CHMP7: variants seen among roughly 807,000 people sequenced by gnomAD.
The protein encoded by CHMP7 is charged multivesicular body protein 7, also known as CHMP family, member 7.
In CHMP7, 15 loss-of-function variants were observed where a neutral mutation model predicts 53.7. That is an observed-to-expected ratio of 0.28 (90% confidence interval 0.19 to 0.43). The LOEUF is 0.43. Among genes scored for constraint, CHMP7 ranks in the 20% least tolerant of loss-of-function variants. The pLI is 1.00. For missense variants in CHMP7, 527 were observed against 569.4 expected (o/e 0.93, Z 0.76); for synonymous variants, 261 against 228.0 (o/e 1.14, Z -1.30).
Position 23,258,950 on chromosome 8 carries a change from T to G in CHMP7, c.1060-116T>G, listed in dbSNP as rs1281106049. On this transcript the variant is annotated intron_variant, in intron 8 of 10. Coordinates refer to ENST00000397677, the MANE Select transcript of CHMP7 (RefSeq NM_152272.5). ...GTGACCTTGTGAACTTGAGGAAGCT[T>G]TCCTTGATTCTCACTTGGGGCAGGA... 15 of 1,050,776 alleles carry G rather than the reference T, an allele frequency of 1.4e-5. No individual in the cohort carries two copies. The Middle Eastern group carries it at 8.1e-4, about 57-fold the overall frequency. 65.1% of individuals were successfully genotyped at this position (1,050,776 alleles called of 1,614,324 possible). A position where few individuals can be genotyped will look rare whatever the true frequency, so the allele number is the denominator to read the frequency against.
In CHMP7 at chr8:23,256,475, C is replaced by G; in HGVS notation, c.673C>G (p.Arg225Gly). The stretch of plus-strand genomic sequence containing the variant: ...TGTCCCTCAGATTGTGAAGTTTGCC[C>G]GAGGGCCACGTGCCAAGGTCTCTCC... ...QNGEKIVKFA[R>G]GPRAKVSPVN... The change falls in exon 5 of 11, where the codon CGA becomes GGA. Residue 225 changes from arginine to glycine, a missense_variant. Arg to Gly is a moderately radical substitution (Grantham distance 125). Coordinates refer to ENST00000397677, the MANE Select transcript of CHMP7 (RefSeq NM_152272.5). 6.2e-7 allele frequency: 1 copy of G among 1,605,194 alleles called. No homozygotes were observed. The highest frequency in any genetic ancestry group is 8.5e-7 in the Non-Finnish European group (1 of 1,171,896).
chr8:23,253,900 C>G (rs1042360066), intron 3 of CHMP7, among the ~76,000 whole-genome samples: 1 of 152,074 alleles, frequency 6.6e-6, no homozygotes, highest in Non-Finnish European at 1.5e-5. Context: ...CCATCGTCTC[C>G]CAATTGGCAG....
At chr8:23,252,030 C>A (rs1386980640) in intron 3 of CHMP7, among the ~76,000 whole-genome samples, 1 of 151,174 alleles carries the variant, frequency 6.6e-6, no homozygotes. Flanking sequence ...TCCTTGTCAG[C>A]ACGGGATGAC....
At chr8:23,259,290 T>C (rs1012546102) in intron 9 of CHMP7, among the ~76,000 whole-genome samples, 164 bp downstream of exon 9, 2 of 142,426 alleles carry the variant, frequency 1.4e-5, no homozygotes, top group Non-Finnish European at 3.1e-5. Flanking sequence ...TGCCTCAGCC[T>C]CCCAAGTAGC....
In CHMP7 at chr8:23,261,722, G is replaced by A. The variant is rs1293460843; in HGVS notation, c.*1123G>A. On this transcript the variant is annotated 3_prime_UTR_variant, in exon 11 of 11. Coordinates refer to ENST00000397677, the MANE Select transcript of CHMP7 (RefSeq NM_152272.5). ...TAGGGGGACAGACGGGAAAGGGTCT[G>A]AATGCTCTGGCAATGGCGAGAAGAA... is the stretch of plus-strand genomic sequence containing the variant. 6.6e-6 allele frequency: 1 copy of A among 152,670 alleles called. No individual in the cohort carries two copies. Among genetic ancestry groups the A allele is most frequent in the Non-Finnish European group, 1.5e-5 (1 of 68,104 alleles). 9.5% of individuals were successfully genotyped at this position (152,670 alleles called of 1,614,324 possible).
chr8:23,244,504 G>A (rs534999812), intron 1 of CHMP7, among the ~76,000 whole-genome samples: 33 of 152,202 alleles, frequency 2.2e-4, no homozygotes, highest in African/African-American at 7.2e-4. Flanking sequence ...TTATCTATTT[G>A]TTTATTCTTT....
chr8:23,257,920 T>G, intron 5 of CHMP7, 113 bp from the exon 6 acceptor site: 2 of 722,016 alleles, frequency 2.8e-6, no homozygotes, highest in East Asian at 2.5e-5. Flanking sequence ...GGGTATTGGG[T>G]TTAGTCTTCA....
chr8:23,246,529 C>T lies in CHMP7; in HGVS notation c.-167C>T, dbSNP rs1328497940. On this transcript the variant is annotated 5_prime_UTR_variant, in exon 2 of 11. Coordinates refer to ENST00000397677, the MANE Select transcript of CHMP7 (RefSeq NM_152272.5). ...CTGCCTCCTGGCTGACGGAGCGCAG[C>T]GCAACGCATGCGCCTTGAAGACTTA... 6.4e-6 allele frequency: 4 copies of T among 624,474 alleles called. No individual in the cohort carries two copies. The highest frequency in any genetic ancestry group is 1.1e-5 in the Non-Finnish European group (4 of 360,214). 38.7% of individuals were successfully genotyped at this position (624,474 alleles called of 1,614,324 possible).
intron 3 of CHMP7, among the ~76,000 whole-genome samples, chr8:23,250,270 C>T (rs1585306164): frequency 6.6e-6 from 1 of 152,158 alleles, no homozygotes; most frequent in Non-Finnish European, 1.5e-5. Context: ...TTACCCCAAG[C>T]CTGACCTCCT....
intron 5 of CHMP7, 122 bp downstream of exon 5, chr8:23,256,715 A>G (rs1408504793): frequency 3.0e-6 from 2 of 677,416 alleles, no homozygotes; most frequent in South Asian, 2.2e-5. Context: ...AGCTAATTAC[A>G]AAAGTACTCA....
intron 4 of CHMP7, among the ~76,000 whole-genome samples, chr8:23,256,106 C>CTAATTTTTGTATTTTT (rs1802114966): frequency 1.3e-5 from 2 of 152,140 alleles, no homozygotes; most frequent in African/African-American, 4.8e-5. Context: ...GTGGTGCTGG[C>CTAATTTTTGTATTTTT]AGTCCAGATT....
rs941847584 is a variant in CHMP7, at chr8:23,246,601, G to A, written c.-95G>A. The A allele has an allele frequency of 6.7e-6, 7 of 1,041,900 alleles. No homozygotes were observed. The highest frequency in any genetic ancestry group is 4.8e-5 in the African/African-American group (3 of 63,156). The allele number at this position is 1,041,900 out of a possible 1,614,324, so 64.5% of individuals were successfully genotyped here. On this transcript the variant is annotated 5_prime_UTR_variant, in exon 2 of 11. Transcript: ENST00000397677. ...GGCGGCGGTGACGTGTGAACGAGAA[G>A]GAGGTGGTCAAGGAACGGAAGCCGG...
Position 23,260,545 on chromosome 8 carries a change from C to G in CHMP7, c.1308C>G (p.Val436=), listed in dbSNP as rs753176661. 2 of 1,614,016 alleles carry G rather than the reference C, an allele frequency of 1.2e-6. No individual in the cohort carries two copies. Among genetic ancestry groups the G allele is most frequent in the Non-Finnish European group, 1.7e-6 (2 of 1,179,908 alleles). The change falls in exon 11 of 11, where the codon GTC becomes GTG. Residue 436 remains valine (V), a synonymous_variant. Coordinates refer to ENST00000397677, the MANE Select transcript of CHMP7 (RefSeq NM_152272.5). ...CATTTCTTTGCCTTGCAGGTTTGGTCCCAAGCAGTAAATCTCCAAAAAGGC... is the reference window on the plus strand; with the variant it reads ...CATTTCTTTGCCTTGCAGGTTTGGTGCCAAGCAGTAAATCTCCAAAAAGGC... ...EKLSLSEGGL[V]PSSKSPKRQL...
chr8:23,249,144 A>G, intron 2 of CHMP7, 66 bp from the exon 3 acceptor site: 1 of 1,339,366 alleles, frequency 7.5e-7, no homozygotes, highest in South Asian at 1.5e-5. Context: ...GTAAAGGGGG[A>G]GCTAGAGACT....
chr8:23,249,355 G>A lies in CHMP7; in HGVS notation c.445G>A (p.Val149Ile), dbSNP rs1346755630. The change falls in exon 3 of 11, where the codon GTC (valine) becomes ATC (isoleucine). Residue 149 changes from valine (V) to isoleucine (I), a missense_variant. Physicochemically the swap from Val to Ile is conservative, Grantham distance 29. Transcript: ENST00000397677. ...AGATAATAAGGTTCCAGCTGAGGAG[G>A]TCCTTGTCGCTGTGGAGCTGTTGAA... ...LGDNKVPAEEVLVAVELLKEK... is the reference protein window; with the variant it reads ...LGDNKVPAEEILVAVELLKEK... The A allele has an allele frequency of 1.2e-6, 2 of 1,609,176 alleles. No homozygotes were observed. Among genetic ancestry groups the A allele is most frequent in the Non-Finnish European group, 8.5e-7 (1 of 1,177,774 alleles).
In CHMP7 at chr8:23,256,524, T is replaced by C; in HGVS notation, c.722T>C (p.Val241Ala). The C allele has an allele frequency of 6.2e-7, 1 of 1,611,818 alleles. No individual in the cohort carries two copies. The highest frequency in any genetic ancestry group is 8.5e-7 in the Non-Finnish European group (1 of 1,177,880). The change falls in exon 5 of 11, where the codon GTG becomes GCG. Residue 241 changes from valine (V) to alanine (A), a missense_variant. Val to Ala is a moderately conservative substitution (Grantham distance 64). Coordinates refer to ENST00000397677, the MANE Select transcript of CHMP7 (RefSeq NM_152272.5). ...VSPVNDVDVG[V>A]YQLMQSEQLL... ...CCAGTCAATGACGTAGATGTTGGGG[T>C]GTACCAGCTGATGCAGAGTGAACAG...
At position 23,259,243 on chromosome 8, in the gene CHMP7, A is replaced by C. The variant is rs1385274801; in HGVS notation, c.1120+117A>C. The C allele has an allele frequency of 2.4e-4, 126 of 521,548 alleles. 1 individual carries two copies. Among genetic ancestry groups the C allele is most frequent in the Non-Finnish European group, 3.5e-4 (109 of 311,276 alleles). 32.3% of individuals were successfully genotyped at this position (521,548 alleles called of 1,614,324 possible). On this transcript the variant is annotated intron_variant, in intron 9 of 10. Coordinates refer to ENST00000397677, the MANE Select transcript of CHMP7 (RefSeq NM_152272.5). ...GAGTGCAGTGGCGGGATCTCGGCTC[A>C]CTGCAAGCTCCGCCTCCCGGGTTCA...
In CHMP7 at chr8:23,246,705, C is replaced by A. The variant is rs754602844; in HGVS notation, c.10C>A (p.Pro4Thr). ...CGGGGCTGGGGTTCCGATGTGGTCCCCGGAGCGGGAGGCCGAGGCCCCAGC... is the reference window on the plus strand; with the variant it reads ...CGGGGCTGGGGTTCCGATGTGGTCCACGGAGCGGGAGGCCGAGGCCCCAGC... MWS[P>T]EREAEAPAGG... Residue 4 changes from proline (P) to threonine (T), a missense_variant, in exon 2 of 11, where the codon CCG (proline) becomes ACG (threonine). Physicochemically the swap from Pro to Thr is conservative, Grantham distance 38. Coordinates refer to ENST00000397677, the MANE Select transcript of CHMP7 (RefSeq NM_152272.5). 7 of 1,548,462 alleles carry A rather than the reference C, an allele frequency of 4.5e-6. No homozygotes were observed. In the South Asian group the frequency reaches 8.3e-5, roughly 18 times the overall value.
chr8:23,249,865 C>A (rs753534214), intron 3 of CHMP7, among the ~76,000 whole-genome samples: 8 of 152,166 alleles, frequency 5.3e-5, no homozygotes, highest in Non-Finnish European at 1.2e-4. Flanking sequence ...GCCATGGTCC[C>A]GTCCTAGCCT....
Sources: gnomAD v4.1 joint callset for allele counts (sites outside exome capture counted in the v4.1 genomes callset) on GRCh38, gnomAD v4.1.1 for gene constraint, MANE v1.5 for transcripts, NCBI Gene and HGNC (gene_info 2026-07-23, HGNC 2026-07-21) for gene names.